The following DMD variants were observed in gnomAD, a reference collection of about 807,000 sequenced individuals.
DMD encodes dystrophin.
In DMD, 63 loss-of-function variants were observed where a neutral mutation model predicts 330.1. That is an observed-to-expected ratio of 0.19 (90% CI 0.16 to 0.24). DMD has a LOEUF of 0.24. Ranked by LOEUF, DMD falls within the 10% of genes least tolerant of loss-of-function variation. DMD has a pLI of 1.00. For missense variants in DMD, 3,344 were observed against 2,684.1 expected, an observed-to-expected ratio of 1.25 and a Z score of -5.43; for synonymous variants, 1,223 against 959.8, an observed-to-expected ratio of 1.27 and a Z score of -5.07.
chrX:32,354,111 T>C (rs1468157602), intron 37 of DMD, among the ~76,000 whole-genome samples: 19 of 111,410 alleles, frequency 1.7e-4, no homozygotes, highest in Non-Finnish European at 1.3e-4. Flanking sequence ...CATGCACAGA[T>C]ACACTAGCAT....
At chrX:33,041,866 AAT>A (rs1800738388) in intron 1 of DMD, 1 of 552,088 alleles carries the variant, frequency 1.8e-6, no homozygotes, top group African/African-American at 2.8e-5. Flanking sequence ...TGTCTAATTT[AAT>A]ATGTCAAATA....
intron 2 of DMD, among the ~76,000 whole-genome samples, chrX:33,015,078 G>A (rs2093774945): frequency 9.0e-6 from 1 of 111,557 alleles, no homozygotes; most frequent in Non-Finnish European, 1.9e-5. Flanking sequence ...GAGAGTAAAT[G>A]AGTTAAACCA....
chrX:32,270,945 G>T (rs1283735018), intron 43 of DMD, among the ~76,000 whole-genome samples: 2 of 111,461 alleles, frequency 1.8e-5, no homozygotes, highest in African/African-American at 6.5e-5. Flanking sequence ...CCAATAAACA[G>T]CTACCTTGGG....
intron 36 of DMD, 33 bp from the exon 37 acceptor site, chrX:32,362,991 G>A: frequency 8.5e-7 from 1 of 1,170,954 alleles, no homozygotes; most frequent in Non-Finnish European, 1.2e-6. Flanking sequence ...AGGACTTGAA[G>A]TTAGTAATTA....
intron 44 of DMD, among the ~76,000 whole-genome samples, chrX:32,093,468 A>G (rs2148020059): frequency 8.9e-6 from 1 of 112,457 alleles, no homozygotes; most frequent in African/African-American, 3.2e-5. Context: ...CTATCTCTAT[A>G]CAATGCCATT....
chrX:32,381,964 C>T (rs1341743748), intron 33 of DMD, among the ~76,000 whole-genome samples: 1 of 110,756 alleles, frequency 9.0e-6, no homozygotes, highest in Non-Finnish European at 1.9e-5. Flanking sequence ...TTTCTCAACA[C>T]ATCTGTCAAA....
intron 16 of DMD, among the ~76,000 whole-genome samples, chrX:32,549,541 C>T (rs1292955336): frequency 1.8e-5 from 2 of 111,960 alleles, no homozygotes; most frequent in Non-Finnish European, 3.8e-5. Flanking sequence ...AATAAGTGCT[C>T]TATAATGGTA....
At chrX:31,467,290 T>A (rs1319192900) in intron 59 of DMD, among the ~76,000 whole-genome samples, 1 of 111,712 alleles carries the variant, frequency 9.0e-6, no homozygotes, top group African/African-American at 3.3e-5. Flanking sequence ...AGTATGATAA[T>A]GGCTGTGGGT....
intron 62 of DMD, among the ~76,000 whole-genome samples, chrX:31,317,625 C>A (rs779851014): frequency 9.3e-6 from 1 of 107,877 alleles, no homozygotes; most frequent in African/African-American, 3.4e-5. Flanking sequence ...CATTCTCCTG[C>A]CTCAGCCTCC....
intron 1 of DMD, among the ~76,000 whole-genome samples, chrX:33,237,465 G>A (rs1267890663): frequency 9.1e-6 from 1 of 109,991 alleles, no homozygotes; most frequent in Non-Finnish European, 1.9e-5. Flanking sequence ...GGCTGGACTT[G>A]AACTCCTGAC....
intron 62 of DMD, among the ~76,000 whole-genome samples, chrX:31,302,036 C>T (rs1041503902): frequency 8.9e-6 from 1 of 112,297 alleles, no homozygotes; most frequent in African/African-American, 3.2e-5. Flanking sequence ...AACAAAGTTA[C>T]CAGAGGAATT....
At position 31,444,464 on chromosome X, in the gene DMD, G is replaced by A. The variant is rs2065144425; in HGVS notation, c.9084+17C>T. On this transcript the variant is annotated intron_variant, in intron 60 of 78. Coordinates refer to ENST00000357033, the MANE Select transcript of DMD (RefSeq NM_004006.3). ...TTTTACTGTAACAAAGGACAACAAT[G>A]TTTACAATGTGCTTACCTGCAGAAG... 1 of 1,207,861 alleles carries A rather than the reference G, an allele frequency of 8.3e-7. No individual in the cohort carries two copies. Among genetic ancestry groups the A allele is most frequent in the African/African-American group, 1.8e-5 (1 of 57,080 alleles).
intron 64 of DMD, among the ~76,000 whole-genome samples, chrX:31,221,254 T>C (rs1363521477): frequency 1.8e-5 from 2 of 111,405 alleles, no homozygotes; most frequent in Non-Finnish European, 3.8e-5. Context: ...CCAGGCCAAA[T>C]CCCCTGACCT....
intron 9 of DMD, among the ~76,000 whole-genome samples, chrX:32,645,458 C>T (rs1328568570): frequency 8.9e-6 from 1 of 111,978 alleles, no homozygotes; most frequent in East Asian, 2.8e-4. Context: ...AAATATTGAT[C>T]TGTAGGAACT....
chrX:32,208,792 T>A (rs1429272423), intron 44 of DMD, among the ~76,000 whole-genome samples: 1 of 111,708 alleles, frequency 9.0e-6, no homozygotes, highest in African/African-American at 3.3e-5. Flanking sequence ...TATATGTTTG[T>A]TACATGGGTT....
chrX:33,178,878 G>T (rs2049818287), intron 1 of DMD, among the ~76,000 whole-genome samples: 1 of 112,242 alleles, frequency 8.9e-6, no homozygotes, highest in Non-Finnish European at 1.9e-5. Flanking sequence ...GATAAAAACA[G>T]AATGTTGATG....
chrX:32,648,092 TTTA>T (rs1465408004), intron 9 of DMD, among the ~76,000 whole-genome samples: 1 of 111,912 alleles, frequency 8.9e-6, no homozygotes, highest in Non-Finnish European at 1.9e-5. Flanking sequence ...CACTTTATGA[TTTA>T]TTGATATTTA....
At chrX:32,685,163 C>A (rs1272078279) in intron 9 of DMD, among the ~76,000 whole-genome samples, 2 of 103,750 alleles carry the variant, frequency 1.9e-5, no homozygotes, top group African/African-American at 8.5e-5. Context: ...CATACTTGTT[C>A]CTGAACTATT....
chrX:33,327,554 A>G (rs923631382), intron 1 of DMD, among the ~76,000 whole-genome samples: 1 of 111,654 alleles, frequency 9.0e-6, no homozygotes, highest in Non-Finnish European at 1.9e-5. Flanking sequence ...TATTCAATAC[A>G]ATGAATAAAA....
Sources: gnomAD v4.1 joint callset for allele counts (sites outside exome capture counted in the v4.1 genomes callset) on GRCh38, gnomAD v4.1.1 for gene constraint, MANE v1.5 for transcripts, NCBI Gene and HGNC (gene_info 2026-07-23, HGNC 2026-07-21) for gene names.